Variants in ADAMTS17 observed in about 807,000 individuals in gnomAD.
ADAMTS17 encodes the protein A disintegrin and metalloproteinase with thrombospondin motifs 17.
Under a neutral mutation model 141.5 loss-of-function variants are expected in ADAMTS17, and 113 were observed. The observed-to-expected ratio is 0.80, with a 90% CI of 0.69 to 0.93. The LOEUF (loss-of-function observed/expected upper bound fraction) is 0.93, where lower values mean the gene tolerates loss of function less well. Ranked by LOEUF, ADAMTS17 falls within the 40% of genes least tolerant of loss-of-function variation. The pLI is 0.00. For missense variants in ADAMTS17, 1,659 were observed against 1,517.9 expected (o/e 1.09, Z -1.54); for synonymous variants, 768 against 630.6 (o/e 1.22, Z -3.27).
rs564034637 is a variant in ADAMTS17 at position 100,236,156 on chromosome 15, G to A, written c.1075+17980C>T. Among the ~76,000 whole-genome samples, 15 of 152,042 alleles carry A rather than the reference G, an allele frequency of 9.9e-5. No individual in the cohort carries two copies. The South Asian group carries it at 2.7e-3, about 27-fold the overall frequency. On this transcript the variant is annotated intron_variant, in intron 7 of 21. Transcript: ENST00000268070. ...AGCAAGAGAACACAGGAAGTAACTC[G>A]GAAATTTCCATCATCACTGCTTTTT...
chr15:100,056,995 T>C (rs2032632211), intron 15 of ADAMTS17, among the ~76,000 whole-genome samples: 1 of 152,114 alleles, frequency 6.6e-6, no homozygotes, highest in East Asian at 2.0e-4. Context: ...CAGCTGAGCG[T>C]GTAAGACAGG....
intron 15 of ADAMTS17, among the ~76,000 whole-genome samples, chr15:100,078,012 A>G (rs963596118): frequency 3.5e-5 from 5 of 144,524 alleles, no homozygotes; most frequent in African/African-American, 1.4e-4. Flanking sequence ...GTAGCATCAA[A>G]AAGAAACACT....
chr15:100,323,061 C>T (rs1365189459), intron 3 of ADAMTS17, among the ~76,000 whole-genome samples: 12 of 125,972 alleles, frequency 9.5e-5, no homozygotes, highest in African/African-American at 3.1e-4. Context: ...AACTCCAGCC[C>T]GGGAGACAGC....
At chr15:100,260,567 T>C (rs763398801) in intron 6 of ADAMTS17, among the ~76,000 whole-genome samples, 2 of 151,550 alleles carry the variant, frequency 1.3e-5, no homozygotes, top group African/African-American at 2.4e-5. Flanking sequence ...TGAGCCAGGA[T>C]TGCGTCATAC....
rs71151929 is a variant in ADAMTS17 at position 99,994,468 on chromosome 15, A to AC, written c.2797-1269_2797-1268insG. The stretch of plus-strand genomic sequence containing the variant: ...CCAATCTCTTAAAAAAAAAAAAAAA[A>AC]TCCCACTGTGTCCACTGGAAAAAAG... On this transcript the variant is annotated intron_variant, in intron 19 of 21. Transcript: ENST00000268070. Among the ~76,000 whole-genome samples the AC allele has an allele frequency of 8.7e-3, 1,318 of 151,626 alleles. 23 individuals carry two copies. The highest frequency in any genetic ancestry group is 0.03 in the African/African-American group (1,250 of 41,346).
intron 15 of ADAMTS17, among the ~76,000 whole-genome samples, chr15:100,081,923 T>C (rs1442859066): frequency 6.6e-6 from 1 of 152,256 alleles, no homozygotes; most frequent in African/African-American, 2.4e-5. Context: ...TATTTAGTTA[T>C]GATGCAGTAG....
chr15:100,337,542 T>C (rs888039798), intron 2 of ADAMTS17, among the ~76,000 whole-genome samples: 2 of 152,248 alleles, frequency 1.3e-5, no homozygotes, highest in East Asian at 3.8e-4. Context: ...TATGGCTTAA[T>C]GTTTTGCAGC....
At chr15:100,259,832 T>C (rs901654630) in intron 6 of ADAMTS17, among the ~76,000 whole-genome samples, 4 of 152,098 alleles carry the variant, frequency 2.6e-5, no homozygotes, top group Non-Finnish European at 4.4e-5. Flanking sequence ...ATTGTGTCTA[T>C]TCTAGGATTT....
chr15:100,252,099 G>A (rs1163943226), intron 7 of ADAMTS17, among the ~76,000 whole-genome samples: 1 of 152,194 alleles, frequency 6.6e-6, no homozygotes, highest in East Asian at 1.9e-4. Flanking sequence ...CGAAGTAGCT[G>A]CCTGCTCTTC....
chr15:100,275,432 G>C (rs373314126), intron 4 of ADAMTS17, among the ~76,000 whole-genome samples: 1 of 152,174 alleles, frequency 6.6e-6, no homozygotes, highest in Non-Finnish European at 1.5e-5. Context: ...GATTCAAGGG[G>C]GAAGAAAATG....
At chr15:100,025,705 C>T (rs371362666) in intron 18 of ADAMTS17, among the ~76,000 whole-genome samples, 49 of 152,238 alleles carry the variant, frequency 3.2e-4, no homozygotes, top group African/African-American at 1.0e-3. Flanking sequence ...TGAGCCACCA[C>T]GCCTTTTCTT....
intron 2 of ADAMTS17, among the ~76,000 whole-genome samples, chr15:100,340,343 C>T (rs1331969664): frequency 2.6e-5 from 4 of 152,186 alleles, no homozygotes; most frequent in Non-Finnish European, 5.9e-5. Context: ...AAGTTACTGC[C>T]ACAGCAAGGG....
At chr15:99,998,291 G>A (rs188213215) in intron 18 of ADAMTS17, among the ~76,000 whole-genome samples, 37 of 152,294 alleles carry the variant, frequency 2.4e-4, no homozygotes, top group East Asian at 3.9e-4. Flanking sequence ...TGAGGTTGGC[G>A]TCTGAAAGTG....
At chr15:100,176,468 A>G (rs979214622) in intron 8 of ADAMTS17, among the ~76,000 whole-genome samples, 1 of 152,202 alleles carries the variant, frequency 6.6e-6, no homozygotes, top group Non-Finnish European at 1.5e-5. Context: ...AAAGATGCTC[A>G]AGGCATTTTA....
chr15:100,047,446 G>A (rs529279977), intron 18 of ADAMTS17, among the ~76,000 whole-genome samples: 15 of 151,688 alleles, frequency 9.9e-5, no homozygotes, highest in Middle Eastern at 3.4e-3. Context: ...GGGGCATCAC[G>A]GAACCTGCTG....
chr15:100,109,891 T>TG (rs2036645406), intron 13 of ADAMTS17, among the ~76,000 whole-genome samples: 1 of 151,904 alleles, frequency 6.6e-6, no homozygotes, highest in South Asian at 2.1e-4. Flanking sequence ...AGCTCTGAGG[T>TG]GGGGCAGGAG....
intron 7 of ADAMTS17, among the ~76,000 whole-genome samples, chr15:100,214,398 T>A (rs2041905848): frequency 1.3e-5 from 2 of 152,218 alleles, no homozygotes; most frequent in African/African-American, 4.8e-5. Context: ...AACATTAATA[T>A]TATTGGGAGT....
chr15:100,102,287 A>ATCTACATTTGAGGGCCGACCGAAGGG (rs1567175656), intron 14 of ADAMTS17, among the ~76,000 whole-genome samples: 3 of 144,916 alleles, frequency 2.1e-5, no homozygotes, highest in African/African-American at 5.1e-5. Context: ...CGACCGAAGG[A>ATCTACATTTGAGGGCCGACCGAAGGG]GATCTACATT....
chr15:100,177,538 T>G (rs2040379641), intron 8 of ADAMTS17, among the ~76,000 whole-genome samples: 1 of 152,228 alleles, frequency 6.6e-6, no homozygotes, highest in Non-Finnish European at 1.5e-5. Flanking sequence ...CTTTTAAACT[T>G]GTTACAGTTT....
Sources: allele counts gnomAD v4.1 joint callset (sites outside exome capture counted in the v4.1 genomes callset), GRCh38; gene constraint gnomAD v4.1.1; transcripts MANE v1.5; gene names NCBI Gene and HGNC (gene_info 2026-07-23, HGNC 2026-07-21).